CADM2: variants seen among roughly 807,000 people sequenced by gnomAD.
CADM2 encodes immunoglobulin superfamily member 4D.
In CADM2, 12 loss-of-function variants were observed where a neutral mutation model predicts 49.8. The ratio of observed to expected loss-of-function variants is 0.24; its 90% confidence interval spans 0.15 to 0.39. The LOEUF (loss-of-function observed/expected upper bound fraction) is 0.39. CADM2 is among the 10% of genes least tolerant of loss of function. The probability of loss-of-function intolerance (pLI) is 1.00; values close to 1 mark genes in which losing one functional copy is unlikely to be tolerated. For synonymous variants in CADM2, 214 were observed against 175.4 expected, an observed-to-expected ratio of 1.22 and a Z score of -1.74; for missense variants, 378 against 492.3, an observed-to-expected ratio of 0.77 and a Z score of 2.20.
chr3:85,058,180 A>G (rs1325405084), intron 1 of CADM2, among the ~76,000 whole-genome samples: 2 of 152,158 alleles, frequency 1.3e-5, no homozygotes, highest in African/African-American at 4.8e-5. Context: ...ATGAGGTGTA[A>G]AACTAGTTTG....
chr3:85,568,311 GCA>G (rs548548685), intron 1 of CADM2, among the ~76,000 whole-genome samples: 292 of 152,268 alleles, frequency 1.9e-3, no homozygotes, highest in African/African-American at 6.9e-3. Flanking sequence ...AGTGTATGAA[GCA>G]TAGTTTATAG....
chr3:84,960,868 G>A (rs914634535), intron 1 of CADM2, among the ~76,000 whole-genome samples: 25 of 152,106 alleles, frequency 1.6e-4, no homozygotes, highest in African/African-American at 5.8e-4. Context: ...CAGGGGCGGC[G>A]TGCTAGGGCT....
At chr3:85,157,043 C>G (rs1207211385) in intron 1 of CADM2, among the ~76,000 whole-genome samples, 1 of 152,012 alleles carries the variant, frequency 6.6e-6, no homozygotes, top group African/African-American at 2.4e-5. Flanking sequence ...TATACACCAA[C>G]AACAGACAAA....
chr3:86,062,806 AT>A (rs568421571), intron 8 of CADM2, among the ~76,000 whole-genome samples: 4,528 of 142,642 alleles, frequency 0.032, 65 homozygotes, highest in East Asian at 0.055. Context: ...GTGTATTGTT[AT>A]TTTTTTTTTT....
At chr3:85,174,311 T>C (rs1245725037) in intron 1 of CADM2, among the ~76,000 whole-genome samples, 1 of 152,136 alleles carries the variant, frequency 6.6e-6, no homozygotes, top group Non-Finnish European at 1.5e-5. Context: ...ATAAGAGTAG[T>C]TTAAATTGTC....
chr3:85,978,174 G>A (rs955570965), intron 8 of CADM2, among the ~76,000 whole-genome samples: 16 of 151,568 alleles, frequency 1.1e-4, no homozygotes, highest in Non-Finnish European at 2.1e-4. Flanking sequence ...GACAAGATTT[G>A]ACTCTCTGAG....
chr3:85,504,630 C>T (rs1397320296), intron 1 of CADM2, among the ~76,000 whole-genome samples: 1 of 152,214 alleles, frequency 6.6e-6, no homozygotes, highest in Non-Finnish European at 1.5e-5. Context: ...GATACCTCAC[C>T]GGGGCTGCAG....
At chr3:85,368,008 C>T (rs1159396156) in intron 1 of CADM2, among the ~76,000 whole-genome samples, 1 of 151,892 alleles carries the variant, frequency 6.6e-6, no homozygotes, top group African/African-American at 2.4e-5. Context: ...TAGACTACAA[C>T]GTAGAAGAAA....
intron 5 of CADM2, among the ~76,000 whole-genome samples, chr3:85,896,449 T>C (rs919439662): frequency 6.6e-6 from 1 of 152,196 alleles, no homozygotes; most frequent in Non-Finnish European, 1.5e-5. Context: ...TTTAGCCTTT[T>C]AAAATAGCCA....
intron 8 of CADM2, among the ~76,000 whole-genome samples, chr3:85,982,466 A>G (rs908545660): frequency 6.6e-6 from 1 of 151,638 alleles, no homozygotes; most frequent in African/African-American, 2.4e-5. Flanking sequence ...GTAAGCTGGG[A>G]AGTTCATATT....
chr3:85,017,672 C>T (rs1323319540), intron 1 of CADM2, among the ~76,000 whole-genome samples: 2 of 152,032 alleles, frequency 1.3e-5, no homozygotes, highest in Non-Finnish European at 1.5e-5. Context: ...ATTTTTAAAC[C>T]CATTATTATT....
chr3:85,326,518 CGT>C (rs1285961329), intron 1 of CADM2, among the ~76,000 whole-genome samples: 2 of 151,388 alleles, frequency 1.3e-5, no homozygotes, highest in South Asian at 2.1e-4. Context: ...AATCTATAAA[CGT>C]ATGTATTTTT....
chr3:84,995,518 A>G (rs1314307300), intron 1 of CADM2, among the ~76,000 whole-genome samples: 1 of 152,196 alleles, frequency 6.6e-6, no homozygotes, highest in Admixed American at 6.5e-5. Flanking sequence ...TTGGGTTGGA[A>G]TCCTAGCGAT....
intron 1 of CADM2, among the ~76,000 whole-genome samples, chr3:85,700,147 A>G (rs1053393741): frequency 6.6e-6 from 1 of 152,230 alleles, no homozygotes; most frequent in African/African-American, 2.4e-5. Context: ...ATGGAATACT[A>G]TGCAGCCATA....
intron 8 of CADM2, among the ~76,000 whole-genome samples, chr3:86,025,363 T>G (rs1733765074): frequency 6.6e-6 from 1 of 152,116 alleles, no homozygotes; most frequent in South Asian, 2.1e-4. Context: ...AGCCCATTAT[T>G]TGGCAAAATA....
intron 1 of CADM2, among the ~76,000 whole-genome samples, chr3:85,606,423 A>G (rs1235311399): frequency 1.3e-5 from 2 of 152,134 alleles, no homozygotes; most frequent in Admixed American, 6.6e-5. Flanking sequence ...CTTAGTTTCT[A>G]TAGAATCAGA....
rs544805840 is a variant in CADM2, at chr3:85,024,062, CCCAG to C, written c.61+64398_61+64401del. ...ATACCAAACATATATATTTGCTTTC[CCCAG>C]CCATAGCATTTTTAAACTTCAGTGA... On this transcript the variant is annotated intron_variant, in intron 1 of 9. Coordinates refer to ENST00000383699, the MANE Select transcript of CADM2 (RefSeq NM_001167675.2). Among the ~76,000 whole-genome samples the C allele has an allele frequency of 2.6e-5, 4 of 152,080 alleles. No homozygotes were observed. The South Asian group carries it at 8.3e-4, about 32-fold the overall frequency.
intron 1 of CADM2, among the ~76,000 whole-genome samples, chr3:85,355,638 G>C (rs925171887): frequency 5.9e-5 from 9 of 152,126 alleles, no homozygotes; most frequent in African/African-American, 2.2e-4. Flanking sequence ...ATAATGGTGA[G>C]TGCAAAGGAA....
At chr3:85,410,981 C>T (rs1549979) in intron 1 of CADM2, among the ~76,000 whole-genome samples, 74,501 of 152,036 alleles carry the variant, frequency 0.49, 21,939 homozygotes, top group East Asian at 0.83. Flanking sequence ...CGATTAACAA[C>T]ATCCTATTCA....
Sources: allele counts gnomAD v4.1 joint callset (sites outside exome capture counted in the v4.1 genomes callset), GRCh38; gene constraint gnomAD v4.1.1; transcripts MANE v1.5; gene names NCBI Gene and HGNC (gene_info 2026-07-23, HGNC 2026-07-21).